Variants in CADM2 observed in about 807,000 individuals in gnomAD.
CADM2 encodes the protein immunoglobulin superfamily member 4D.
In CADM2, 12 loss-of-function variants were observed where a neutral mutation model predicts 49.8. The ratio of observed to expected loss-of-function variants is 0.24; its 90% CI spans 0.15 to 0.39. The LOEUF (loss-of-function observed/expected upper bound fraction) is 0.39. CADM2 is among the 10% of genes least tolerant of loss of function. The pLI is 1.00. For missense variants in CADM2, 378 were observed against 492.3 expected (o/e 0.77, Z 2.20); for synonymous variants, 214 against 175.4 (o/e 1.22, Z -1.74).
At chr3:85,708,896 A>G (rs984422830) in intron 1 of CADM2, among the ~76,000 whole-genome samples, 1 of 151,660 alleles carries the variant, frequency 6.6e-6, no homozygotes, top group Non-Finnish European at 1.5e-5. Context: ...AGTTCAGATT[A>G]TGGGTTTGTT....
intron 1 of CADM2, among the ~76,000 whole-genome samples, chr3:85,223,525 A>G (rs753211148): frequency 2.6e-5 from 4 of 152,192 alleles, no homozygotes; most frequent in Non-Finnish European, 4.4e-5. Context: ...GTAGGACATT[A>G]CAATGGGGAT....
intron 1 of CADM2, among the ~76,000 whole-genome samples, chr3:85,341,381 C>G (rs1421042022): frequency 1.3e-5 from 2 of 151,778 alleles, no homozygotes; most frequent in Admixed American, 6.6e-5. Flanking sequence ...CAAATAGAGT[C>G]TATTTTACAA....
chr3:85,152,150 CT>C (rs1405490541), intron 1 of CADM2, among the ~76,000 whole-genome samples: 1 of 152,126 alleles, frequency 6.6e-6, no homozygotes, highest in Non-Finnish European at 1.5e-5. Context: ...TATTACTTCA[CT>C]TTTCAGCTTT....
chr3:85,610,753 A>G (rs2063661055), intron 1 of CADM2, among the ~76,000 whole-genome samples: 1 of 151,952 alleles, frequency 6.6e-6, no homozygotes, highest in African/African-American at 2.4e-5. Context: ...TTCAAATTCA[A>G]ACTTAGGATT....
intron 5 of CADM2, among the ~76,000 whole-genome samples, chr3:85,897,911 T>A (rs1039397213): frequency 6.6e-6 from 1 of 152,220 alleles, no homozygotes; most frequent in East Asian, 1.9e-4. Flanking sequence ...ATTTAAAATA[T>A]CATTATTTAA....
chr3:85,974,848 A>C (rs1308843912), intron 8 of CADM2, among the ~76,000 whole-genome samples: 1 of 151,564 alleles, frequency 6.6e-6, no homozygotes, highest in Non-Finnish European at 1.5e-5. Flanking sequence ...ATACCCCAAA[A>C]TTTTCCTTTT....
intron 2 of CADM2, among the ~76,000 whole-genome samples, chr3:85,771,895 C>CTGAATGAT (rs2070109304): frequency 6.6e-6 from 1 of 151,894 alleles, no homozygotes; most frequent in African/African-American, 2.4e-5. Context: ...CCATTTCTTT[C>CTGAATGAT]CAAGTTGAGC....
chr3:85,957,573 T>G (rs977205938), intron 7 of CADM2, among the ~76,000 whole-genome samples: 1 of 151,812 alleles, frequency 6.6e-6, no homozygotes, highest in African/African-American at 2.4e-5. Context: ...CAGTTTTTCA[T>G]GAGACACCAA....
At chr3:85,639,474 G>T (rs2064637228) in intron 1 of CADM2, among the ~76,000 whole-genome samples, 1 of 152,122 alleles carries the variant, frequency 6.6e-6, no homozygotes, top group African/African-American at 2.4e-5. Context: ...ACATGCCATT[G>T]ACTTTTTCAG....
intron 1 of CADM2, among the ~76,000 whole-genome samples, chr3:85,229,951 T>C (rs1317270078): frequency 6.6e-6 from 1 of 152,234 alleles, no homozygotes. Context: ...TAAACTGATA[T>C]TTGTAAGATA....
chr3:85,691,816 TC>T (rs1352513896), intron 1 of CADM2, among the ~76,000 whole-genome samples: 7 of 152,190 alleles, frequency 4.6e-5, no homozygotes, highest in Admixed American at 2.0e-4. Flanking sequence ...TGAGTTCATG[TC>T]CTTTGTAGGG....
At chr3:85,032,659 T>C (rs2035037536) in intron 1 of CADM2, among the ~76,000 whole-genome samples, 1 of 152,206 alleles carries the variant, frequency 6.6e-6, no homozygotes, top group Admixed American at 6.5e-5. Context: ...TGCATTCTTA[T>C]ATTAAGAATT....
chr3:85,628,606 T>TATATACATATATACAC lies in CADM2; in HGVS notation c.62-97913_62-97912insTACATATATACACATA, dbSNP rs1422224946. Among the ~76,000 whole-genome samples, 15 of 138,630 alleles carry TATATACATATATACAC rather than the reference T, an allele frequency of 1.1e-4. No individual in the cohort carries two copies. The South Asian group carries it at 3.2e-3, about 29-fold the overall frequency. 90.9% of individuals were successfully genotyped at this position (138,630 alleles called of 152,430 possible). On this transcript the variant is annotated intron_variant, in intron 1 of 9. Coordinates refer to ENST00000383699, the MANE Select transcript of CADM2 (RefSeq NM_001167675.2). ...ACATATATATACATATATACACATATATACATTTATATACATATATACGCA... is the reference window on the plus strand; with the variant it reads ...ACATATATATACATATATACACATATATATACATATATACACATACATTTATATACATATATACGCA...
intron 1 of CADM2, among the ~76,000 whole-genome samples, chr3:85,276,357 T>C (rs948867703): frequency 6.6e-5 from 10 of 151,494 alleles, no homozygotes; most frequent in African/African-American, 2.4e-4. Context: ...AAAATCAAAA[T>C]TCAAGATTCT....
chr3:85,888,630 C>T (rs1714005647), intron 5 of CADM2, among the ~76,000 whole-genome samples: 1 of 152,134 alleles, frequency 6.6e-6, no homozygotes, highest in African/African-American at 2.4e-5. Context: ...ATCTATCTAT[C>T]TAATCTTACA....
chr3:85,540,360 G>A (rs760891251), intron 1 of CADM2, among the ~76,000 whole-genome samples: 6 of 152,032 alleles, frequency 3.9e-5, no homozygotes, highest in Non-Finnish European at 8.8e-5. Flanking sequence ...GAGCCTTGTG[G>A]AACACAAATG....
intron 1 of CADM2, among the ~76,000 whole-genome samples, chr3:85,408,958 T>C (rs535322937): frequency 2.0e-5 from 3 of 152,304 alleles, no homozygotes; most frequent in East Asian, 3.9e-4. Context: ...AACTACATTA[T>C]GGCAATTTAA....
chr3:85,371,130 A>G (rs1358898737), intron 1 of CADM2, among the ~76,000 whole-genome samples: 1 of 152,188 alleles, frequency 6.6e-6, no homozygotes, highest in Non-Finnish European at 1.5e-5. Context: ...GCTAAGATTA[A>G]TTTATTATTA....
At chr3:85,125,766 A>T (rs1646960966) in intron 1 of CADM2, among the ~76,000 whole-genome samples, 1 of 152,214 alleles carries the variant, frequency 6.6e-6, no homozygotes, top group South Asian at 2.1e-4. Context: ...ATCCTGGATC[A>T]AAATTATGGC....
Sources: allele counts gnomAD v4.1 joint callset (sites outside exome capture counted in the v4.1 genomes callset), GRCh38; gene constraint gnomAD v4.1.1; transcripts MANE v1.5; gene names NCBI Gene and HGNC (gene_info 2026-07-23, HGNC 2026-07-21).